Variants in CNTN5 observed in about 807,000 individuals in gnomAD.
CNTN5 encodes contactin-5.
Under a neutral mutation model 129.1 loss-of-function variants are expected in CNTN5, and 77 were observed. The ratio of observed to expected loss-of-function variants is 0.60; its 90% confidence interval spans 0.50 to 0.72. The LOEUF (loss-of-function observed/expected upper bound fraction) is 0.72, where lower values mean the gene tolerates loss of function less well. Ranked by LOEUF, CNTN5 falls within the 30% of genes least tolerant of loss-of-function variation. The probability of loss-of-function intolerance (pLI) is 0.00; values close to 1 mark genes in which losing one functional copy is unlikely to be tolerated. For missense variants in CNTN5, 1,478 were observed against 1,328.8 expected, an observed-to-expected ratio of 1.11 and a Z score of -1.75; for synonymous variants, 509 against 465.6, an observed-to-expected ratio of 1.09 and a Z score of -1.20.
chr11:99,870,206 T>A (rs1347349707), intron 6 of CNTN5, among the ~76,000 whole-genome samples: 6 of 151,896 alleles, frequency 4.0e-5, no homozygotes, highest in African/African-American at 1.4e-4. Context: ...AAGACGTGAT[T>A]TTTTTTTAAC....
chr11:99,460,413 T>C (rs1014113404), intron 2 of CNTN5, among the ~76,000 whole-genome samples: 1 of 151,922 alleles, frequency 6.6e-6, no homozygotes, highest in African/African-American at 2.4e-5. Context: ...TGTCCAAACA[T>C]TGTATTTTTC....
intron 3 of CNTN5, among the ~76,000 whole-genome samples, chr11:99,658,718 A>AATAT (rs1555067254): frequency 4.0e-5 from 5 of 124,020 alleles, no homozygotes; most frequent in Admixed American, 7.8e-5. Flanking sequence ...CTAAAAAAAA[A>AATAT]ATATATATAT....
At chr11:99,193,695 A>G (rs1046255311) in intron 1 of CNTN5, among the ~76,000 whole-genome samples, 3 of 152,204 alleles carry the variant, frequency 2.0e-5, no homozygotes, top group Non-Finnish European at 4.4e-5. Flanking sequence ...CTGAGATGAA[A>G]AAACAACCCA....
rs189329682 is a variant in CNTN5, at chr11:100,185,750, G to A, written c.1581-5376G>A. Among the ~76,000 whole-genome samples the A allele has an allele frequency of 2.6e-5, 4 of 152,242 alleles. No individual in the cohort carries two copies. The East Asian group carries it at 7.8e-4, about 30-fold the overall frequency. ...CTGGTGATGTTTTAGAAGAGGAAGA[G>A]AAACCTCTCTCTCTCTGCCACACAT... On this transcript the variant is annotated intron_variant, in intron 13 of 24. Coordinates refer to ENST00000524871, the MANE Select transcript of CNTN5 (RefSeq NM_014361.4).
At chr11:99,468,453 A>T (rs980616944) in intron 2 of CNTN5, among the ~76,000 whole-genome samples, 2 of 152,012 alleles carry the variant, frequency 1.3e-5, no homozygotes, top group Non-Finnish European at 2.9e-5. Flanking sequence ...ATTTTCTCTC[A>T]CCCCCAACAA....
intron 6 of CNTN5, among the ~76,000 whole-genome samples, chr11:99,882,240 T>G (rs1485443087): frequency 6.6e-6 from 1 of 152,240 alleles, no homozygotes; most frequent in East Asian, 1.9e-4. Flanking sequence ...GTAAGTGATC[T>G]AGATACTCTT....
chr11:99,058,487 T>TA (rs1864730467), intron 1 of CNTN5, among the ~76,000 whole-genome samples: 1 of 152,000 alleles, frequency 6.6e-6, no homozygotes, highest in African/African-American at 2.4e-5. Context: ...CTCACAATAT[T>TA]AGAGTTAGGG....
At chr11:100,342,810 C>T (rs1952196291) in intron 23 of CNTN5, among the ~76,000 whole-genome samples, 1 of 152,038 alleles carries the variant, frequency 6.6e-6, no homozygotes, top group South Asian at 2.1e-4. Context: ...TTTTTTCTAG[C>T]ATAACCTTGC....
chr11:99,636,227 A>T (rs1290287490), intron 3 of CNTN5, among the ~76,000 whole-genome samples: 1 of 152,184 alleles, frequency 6.6e-6, no homozygotes, highest in Non-Finnish European at 1.5e-5. Flanking sequence ...TTACATTTTC[A>T]GTACTATAGT....
intron 13 of CNTN5, among the ~76,000 whole-genome samples, chr11:100,124,474 T>C (rs909004145): frequency 4.6e-5 from 7 of 151,892 alleles, no homozygotes; most frequent in Admixed American, 2.0e-4. Flanking sequence ...AGGAAAAAGC[T>C]ATAAAAGAAA....
intron 3 of CNTN5, among the ~76,000 whole-genome samples, chr11:99,596,283 C>A (rs1950124193): frequency 6.6e-6 from 1 of 152,078 alleles, no homozygotes; most frequent in African/African-American, 2.4e-5. Flanking sequence ...AACCTGGAAT[C>A]CTGCTGAAGA....
At chr11:99,617,560 C>T (rs1004465057) in intron 3 of CNTN5, among the ~76,000 whole-genome samples, 2 of 152,218 alleles carry the variant, frequency 1.3e-5, no homozygotes, top group Middle Eastern at 3.4e-3. Context: ...AAAAGATACT[C>T]TAATCTCTTA....
intron 3 of CNTN5, among the ~76,000 whole-genome samples, chr11:99,655,684 T>C (rs1952328981): frequency 6.6e-6 from 1 of 152,258 alleles, no homozygotes; most frequent in South Asian, 2.1e-4. Context: ...CCAGTTTCTG[T>C]ATAATAAATT....
At chr11:99,629,121 A>G (rs1410040184) in intron 3 of CNTN5, among the ~76,000 whole-genome samples, 1 of 152,076 alleles carries the variant, frequency 6.6e-6, no homozygotes. Flanking sequence ...TTACAGGCCT[A>G]CTAATGAAAA....
At chr11:99,896,413 T>C (rs1949207930) in intron 6 of CNTN5, among the ~76,000 whole-genome samples, 1 of 152,160 alleles carries the variant, frequency 6.6e-6, no homozygotes, top group Admixed American at 6.5e-5. Context: ...TGAGAGAGAC[T>C]GAAGAGATGG....
chr11:99,872,237 G>GA (rs1186916260), intron 6 of CNTN5, among the ~76,000 whole-genome samples: 4 of 151,514 alleles, frequency 2.6e-5, no homozygotes, highest in Non-Finnish European at 5.9e-5. Flanking sequence ...ACTATGAAAT[G>GA]AAAAAAAATT....
chr11:99,964,194 T>G (rs559886922), intron 8 of CNTN5, among the ~76,000 whole-genome samples: 1 of 152,172 alleles, frequency 6.6e-6, no homozygotes, highest in Non-Finnish European at 1.5e-5. Flanking sequence ...CTTCCAACAC[T>G]ATGTTGAATA....
chr11:99,058,721 C>T (rs375799799), intron 1 of CNTN5, among the ~76,000 whole-genome samples: 1 of 151,542 alleles, frequency 6.6e-6, no homozygotes, highest in Non-Finnish European at 1.5e-5. Context: ...TTTTTCTGCC[C>T]AAAGTCTTCC....
intron 18 of CNTN5, among the ~76,000 whole-genome samples, chr11:100,286,977 G>A (rs1280846064): frequency 2.6e-5 from 4 of 152,208 alleles, no homozygotes; most frequent in South Asian, 2.1e-4. Context: ...CTCAGGAGCC[G>A]ATGTGATCAA....
Sources: allele counts gnomAD v4.1 joint callset (sites outside exome capture counted in the v4.1 genomes callset), GRCh38; gene constraint gnomAD v4.1.1; transcripts MANE v1.5; gene names NCBI Gene and HGNC (gene_info 2026-07-23, HGNC 2026-07-21).